The following PCDH11X variants were observed in gnomAD, a reference collection of about 807,000 sequenced individuals.
PCDH11X encodes the protein protocadherin 11 X-linked, also known as protocadherin-11 X-linked.
Under a neutral mutation model 53.3 loss-of-function variants are expected in PCDH11X, and 18 were observed. That is an observed-to-expected ratio of 0.34 (90% CI 0.23 to 0.50). PCDH11X has a LOEUF of 0.50. Ranked by LOEUF, PCDH11X falls within the 20% of genes least tolerant of loss-of-function variation. The probability of loss-of-function intolerance (pLI) is 0.98; values close to 1 mark genes in which losing one functional copy is unlikely to be tolerated. For missense variants in PCDH11X, 570 were observed against 1,032.4 expected, an observed-to-expected ratio of 0.55 and a Z score of 6.14; for synonymous variants, 279 against 393.3, an observed-to-expected ratio of 0.71 and a Z score of 3.44.
intron 8 of PCDH11X, among the ~76,000 whole-genome samples, chrX:92,385,247 T>C (rs1006058059): frequency 3.0e-5 from 3 of 100,827 alleles, no homozygotes; most frequent in Non-Finnish European, 6.1e-5. Context: ...GGCTAGGTAA[T>C]CCATGTATTT....
intron 6 of PCDH11X, among the ~76,000 whole-genome samples, chrX:91,907,412 C>CCCACACACACAGAGAG (rs1556333002): frequency 8.7e-5 from 5 of 57,467 alleles, no homozygotes; most frequent in Non-Finnish European, 1.5e-4. Flanking sequence ...CACACACACA[C>CCCACACACACAGAGAG]AGAGAGAGAG....
intron 7 of PCDH11X, among the ~76,000 whole-genome samples, chrX:92,238,967 A>G (rs774706503): frequency 1.8e-5 from 2 of 111,238 alleles, no homozygotes; most frequent in Non-Finnish European, 3.8e-5. Context: ...CCATCCACAG[A>G]TTGATATGTT....
At chrX:92,484,382 CA>C (rs756410043) in intron 10 of PCDH11X, among the ~76,000 whole-genome samples, 1 of 103,330 alleles carries the variant, frequency 9.7e-6, no homozygotes, top group Admixed American at 1.1e-4. Context: ...TACTGTTTCT[CA>C]AAGGGGTTGT....
chrX:92,186,350 C>G (rs1431499058), intron 6 of PCDH11X, among the ~76,000 whole-genome samples: 1 of 111,834 alleles, frequency 8.9e-6, no homozygotes, highest in Non-Finnish European at 1.9e-5. Flanking sequence ...GTGGTTTTAG[C>G]TGGGCGTAGT....
At chrX:91,898,767 T>C (rs746077305) in intron 6 of PCDH11X, among the ~76,000 whole-genome samples, 105 of 108,113 alleles carry the variant, frequency 9.7e-4, no homozygotes, top group Non-Finnish European at 2.5e-4. Context: ...TGAAATGGCA[T>C]TAAATACTAT....
chrX:91,872,342 CCAAGT>C (rs1939365285), intron 5 of PCDH11X, among the ~76,000 whole-genome samples: 10 of 107,344 alleles, frequency 9.3e-5, no homozygotes, highest in African/African-American at 3.4e-4. Flanking sequence ...AAAAAAAAAC[CCAAGT>C]CAACAATTAT....
chrX:92,066,052 G>A (rs1422883224), intron 6 of PCDH11X, among the ~76,000 whole-genome samples: 1 of 106,960 alleles, frequency 9.3e-6, no homozygotes, highest in Non-Finnish European at 1.9e-5. Flanking sequence ...CAGAGATCAA[G>A]TTTCATTCTT....
intron 7 of PCDH11X, among the ~76,000 whole-genome samples, chrX:92,201,755 A>C (rs1371024230): frequency 8.9e-6 from 1 of 112,485 alleles, no homozygotes; most frequent in Non-Finnish European, 1.9e-5. Context: ...CATGGATTGA[A>C]AAAAGTAAAA....
At chrX:92,398,242 A>T (rs935879847) in intron 9 of PCDH11X, among the ~76,000 whole-genome samples, 3 of 111,026 alleles carry the variant, frequency 2.7e-5, no homozygotes, top group Non-Finnish European at 3.8e-5. Flanking sequence ...AAGTAAAAAA[A>T]CCTTTCATCT....
intron 6 of PCDH11X, among the ~76,000 whole-genome samples, chrX:92,111,023 C>G (rs2064492199): frequency 9.3e-6 from 1 of 107,382 alleles, no homozygotes; most frequent in African/African-American, 3.4e-5. Flanking sequence ...CCTTTGGTAG[C>G]TCCACAAACA....
chrX:91,954,943 A>G (rs1367614128), intron 6 of PCDH11X, among the ~76,000 whole-genome samples: 1 of 108,111 alleles, frequency 9.2e-6, no homozygotes, highest in Non-Finnish European at 1.9e-5. Context: ...GCTGTGCAGA[A>G]GCTCTTTCAT....
chrX:92,049,299 T>G (rs1323909514), intron 6 of PCDH11X, among the ~76,000 whole-genome samples: 8 of 111,729 alleles, frequency 7.2e-5, no homozygotes, highest in African/African-American at 2.6e-4. Context: ...GTAAAACATT[T>G]TGTTTTTTAC....
chrX:92,216,005 G>A (rs189977903), intron 7 of PCDH11X, among the ~76,000 whole-genome samples: 16,527 of 108,819 alleles, frequency 0.15, 1,169 homozygotes, highest in Admixed American at 0.27. Context: ...CTGTTTGTTA[G>A]AAGGAAAACT....
chrX:92,246,790 T>G (rs2067360841), intron 7 of PCDH11X, among the ~76,000 whole-genome samples: 1 of 111,887 alleles, frequency 8.9e-6, no homozygotes, highest in African/African-American at 3.2e-5. Flanking sequence ...ATAATATATA[T>G]TAAATACCTA....
chrX:92,606,263 T>C (rs1251952099), intron 10 of PCDH11X, among the ~76,000 whole-genome samples: 1 of 86,565 alleles, frequency 1.2e-5, no homozygotes, highest in Non-Finnish European at 2.1e-5. Context: ...AAAAAGACGC[T>C]AATGCTAAAA....
At chrX:92,132,716 T>A in intron 6 of PCDH11X, among the ~76,000 whole-genome samples, 1 of 100,841 alleles carries the variant, frequency 9.9e-6, no homozygotes, top group Middle Eastern at 5.0e-3. Context: ...TGTATATGTT[T>A]AACTTAACTG....
At chrX:92,174,094 G>C (rs2065867316) in intron 6 of PCDH11X, among the ~76,000 whole-genome samples, 1 of 104,655 alleles carries the variant, frequency 9.6e-6, no homozygotes, top group Non-Finnish European at 1.9e-5. Context: ...GATCAAAGCA[G>C]ACCTATTATG....
chrX:91,859,980 T>G (rs1387131221), intron 5 of PCDH11X, among the ~76,000 whole-genome samples: 1 of 109,798 alleles, frequency 9.1e-6, no homozygotes, highest in Middle Eastern at 4.7e-3. Context: ...TTTAAAATAG[T>G]TTTTTTTTCT....
chrX:92,542,374 C>T (rs1348282844), intron 10 of PCDH11X, among the ~76,000 whole-genome samples: 1 of 111,827 alleles, frequency 8.9e-6, no homozygotes, highest in African/African-American at 3.2e-5. Flanking sequence ...TACTAATCTT[C>T]ATCCCAATGA....
Sources: allele counts gnomAD v4.1 joint callset (sites outside exome capture counted in the v4.1 genomes callset), GRCh38; gene constraint gnomAD v4.1.1; transcripts MANE v1.5; gene names NCBI Gene and HGNC (gene_info 2026-07-23, HGNC 2026-07-21).